MAP3K4: variants seen among roughly 807,000 people sequenced by gnomAD.
MAP3K4 encodes the protein mitogen-activated protein kinase kinase kinase 4.
A neutral mutation model predicts 185.6 loss-of-function variants in MAP3K4; 67 were observed. That is an observed-to-expected ratio of 0.36 (90% CI 0.30 to 0.44). The LOEUF (loss-of-function observed/expected upper bound fraction) is 0.44, where lower values mean the gene tolerates loss of function less well. Ranked by LOEUF, MAP3K4 falls within the 20% of genes least tolerant of loss-of-function variation. The pLI is 1.00. For missense variants in MAP3K4, 1,551 were observed against 1,995.1 expected (o/e 0.78, Z 4.24); for synonymous variants, 702 against 710.4 (o/e 0.99, Z 0.19).
Position 161,048,006 on chromosome 6 carries a change from C to G in MAP3K4, c.344-610C>G, listed in dbSNP as rs1236674298. Among the ~76,000 whole-genome samples the G allele has an allele frequency of 1.3e-5, 2 of 151,992 alleles. No individual in the cohort carries two copies. Among genetic ancestry groups the G allele is most frequent in the Admixed American group, 1.3e-4 (2 of 15,264 alleles). On this transcript the variant is annotated intron_variant, in intron 2 of 26. Transcript: ENST00000392142. This position sits in a 1 kb window ranked among gnomAD's most constrained non-coding sequence, Gnocchi z 4.7. The stretch of plus-strand genomic sequence containing the variant: ...AATTTTAAATTTAAAATGTTATTGC[C>G]CACTTGTTTGTGGCAAAGGAGAAAT...
intron 1 of MAP3K4, among the ~76,000 whole-genome samples, chr6:160,992,936 C>G (rs1386297226): frequency 6.6e-6 from 1 of 152,040 alleles, no homozygotes; most frequent in Non-Finnish European, 1.5e-5. Context: ...CCAGAGTAAA[C>G]TTGCAAACTG....
At chr6:161,052,223 TAC>T (rs2114769761) in intron 3 of MAP3K4, among the ~76,000 whole-genome samples, 1 of 148,378 alleles carries the variant, frequency 6.7e-6, no homozygotes, top group Non-Finnish European at 1.5e-5. Flanking sequence ...TAACTATTGC[TAC>T]TAATGAGGAT....
chr6:161,084,411 A>G lies in MAP3K4; in HGVS notation c.2256-90A>G, dbSNP rs2114849235. The G allele has an allele frequency of 2.8e-6, 2 of 717,230 alleles. No individual in the cohort carries two copies. Among genetic ancestry groups the G allele is most frequent in the Non-Finnish European group, 5.0e-6 (2 of 398,622 alleles). 44.4% of individuals were successfully genotyped at this position (717,230 alleles called of 1,614,324 possible). On this transcript the variant is annotated intron_variant, in intron 6 of 26. Transcript: ENST00000392142. The surrounding 1 kb of genome is among the most constrained non-coding windows in gnomAD (Gnocchi z 4.6). ...TTGATTTTTAAACCATTAGAGCAGT[A>G]GCTGAGCCTTTCAAGTTTCTCAGTC...
chr6:161,105,081 G>A (rs1193266822), intron 19 of MAP3K4, among the ~76,000 whole-genome samples: 1 of 152,130 alleles, frequency 6.6e-6, no homozygotes, highest in East Asian at 1.9e-4. Flanking sequence ...TCAATTTATG[G>A]GTTGTGAACC....
intron 1 of MAP3K4, among the ~76,000 whole-genome samples, chr6:161,019,671 A>G (rs1369691190): frequency 1.3e-5 from 2 of 152,154 alleles, no homozygotes; most frequent in African/African-American, 4.8e-5. Context: ...GGCCTTCCTT[A>G]GTGTTGGGAT....
At position 161,112,121 on chromosome 6, in the gene MAP3K4, A is replaced by G. The variant is rs1214938485; in HGVS notation, c.4519+163A>G. ...TCACACACTTGGGCTCCCACGCAAG[A>G]GCAGCTGTCACATTGGTGAATTAAA... On this transcript the variant is annotated intron_variant, in intron 24 of 26. Coordinates refer to ENST00000392142, the MANE Select transcript of MAP3K4 (RefSeq NM_005922.4). The surrounding 1 kb of genome is among the most constrained non-coding windows in gnomAD (Gnocchi z 5.1). Among the ~76,000 whole-genome samples the G allele has an allele frequency of 6.6e-6, 1 of 152,250 alleles. No homozygotes were observed. Among genetic ancestry groups the G allele is most frequent in the Non-Finnish European group, 1.5e-5 (1 of 68,038 alleles).
rs1778180954 is a variant in MAP3K4 at position 161,108,118 on chromosome 6, A to G, written c.4119+149A>G. 1.6e-6 allele frequency: 1 copy of G among 643,530 alleles called. No individual in the cohort carries two copies. The highest frequency in any genetic ancestry group is 1.8e-5 in the African/African-American group (1 of 54,852). The allele number at this position is 643,530 out of a possible 1,614,324, so 39.9% of individuals were successfully genotyped here. A position where few individuals can be genotyped will look rare whatever the true frequency, so the allele number is the denominator to read the frequency against. On this transcript the variant is annotated intron_variant, in intron 21 of 26. Coordinates refer to ENST00000392142, the MANE Select transcript of MAP3K4 (RefSeq NM_005922.4). The surrounding 1 kb of genome is among the most constrained non-coding windows in gnomAD (Gnocchi z 5.7). The stretch of plus-strand genomic sequence containing the variant: ...CAGTCAGGACCAACCAGGCAGATGC[A>G]CTGAGATAACACACACAGACAGTGA...
At chr6:161,018,527 C>G (rs1782220360) in intron 1 of MAP3K4, among the ~76,000 whole-genome samples, 1 of 152,068 alleles carries the variant, frequency 6.6e-6, no homozygotes, top group Admixed American at 6.6e-5. Context: ...TTGACTTTAA[C>G]CAAGCTTGAA....
At chr6:161,025,212 C>A (rs946758872) in intron 1 of MAP3K4, among the ~76,000 whole-genome samples, 4 of 152,232 alleles carry the variant, frequency 2.6e-5, no homozygotes, top group African/African-American at 9.6e-5. Context: ...GCTGGTGATG[C>A]AGGATGCTCA....
rs779148273 is a variant in MAP3K4, at chr6:161,098,262, TTTC to T, written c.3525-10_3525-8del. ...TCTTCTCACATGTGTTCCTGAAGCT[TTTC>T]TTCTTGTCTTAGCACTCGGAGCATG... is the stretch of plus-strand genomic sequence containing the variant. On this transcript the variant is annotated splice_polypyrimidine_tract_variant and intron_variant, in intron 16 of 26. Transcript: ENST00000392142. The surrounding 1 kb of genome is among the most constrained non-coding windows in gnomAD (Gnocchi z 4.4). 6.2e-7 allele frequency: 1 copy of T among 1,606,246 alleles called. No homozygotes were observed. The highest frequency in any genetic ancestry group is 1.3e-5 in the African/African-American group (1 of 74,766).
At chr6:161,018,856 AAAG>A (rs1782236339) in intron 1 of MAP3K4, among the ~76,000 whole-genome samples, 1 of 152,234 alleles carries the variant, frequency 6.6e-6, no homozygotes, top group Non-Finnish European at 1.5e-5. Flanking sequence ...AAGATGTAAA[AAAG>A]ATCCAAATGG....
At position 161,037,295 on chromosome 6, in the gene MAP3K4, C is replaced by T. The variant is rs146032831; in HGVS notation, c.343+2846C>T. On this transcript the variant is annotated intron_variant, in intron 2 of 26. Coordinates refer to ENST00000392142, the MANE Select transcript of MAP3K4 (RefSeq NM_005922.4). This position sits in a 1 kb window ranked among gnomAD's most constrained non-coding sequence, Gnocchi z 4.2. ...ATCACCCGGACTCCAGTCCTGGTTC[C>T]GCTATCTTCTGCGTATGCAGCCTCC... Among the ~76,000 whole-genome samples the T allele has an allele frequency of 2.2e-4, 33 of 152,220 alleles. No individual in the cohort carries two copies. Among genetic ancestry groups the T allele is most frequent in the Admixed American group, 8.5e-4 (13 of 15,298 alleles).
intron 1 of MAP3K4, among the ~76,000 whole-genome samples, chr6:161,019,789 CTTA>C (rs1436714464): frequency 8.6e-5 from 13 of 151,990 alleles, no homozygotes; most frequent in African/African-American, 2.9e-4. Flanking sequence ...TCTAATTATT[CTTA>C]TTAACTGTTA....
chr6:160,993,045 C>G (rs1202772777), intron 1 of MAP3K4, among the ~76,000 whole-genome samples: 2 of 152,176 alleles, frequency 1.3e-5, no homozygotes, highest in African/African-American at 4.8e-5. Context: ...AAAGTGTCCT[C>G]TTTTTCCTGC....
chr6:161,035,815 G>A (rs146391616), intron 2 of MAP3K4, among the ~76,000 whole-genome samples: 21 of 152,242 alleles, frequency 1.4e-4, no homozygotes, highest in African/African-American at 4.6e-4. Flanking sequence ...AGAAGATGCC[G>A]GTAGTACACT....
rs1160655792 is a variant in MAP3K4 at position 161,071,087 on chromosome 6, AT to A, written c.1950+241del. ...TGTCATCCACTTCCTTGTTCTAAGTATTTTAAAGTTTCAGTCTTTGAAGACT... is the reference window on the plus strand; with the variant it reads ...TGTCATCCACTTCCTTGTTCTAAGTATTTAAAGTTTCAGTCTTTGAAGACT... On this transcript the variant is annotated intron_variant, in intron 4 of 26. Transcript: ENST00000392142. This position sits in a 1 kb window ranked among gnomAD's most constrained non-coding sequence, Gnocchi z 4.6. Among the ~76,000 whole-genome samples, 1 of 152,226 alleles carries A rather than the reference AT, an allele frequency of 6.6e-6. No homozygotes were observed. The highest frequency in any genetic ancestry group is 1.5e-5 in the Non-Finnish European group (1 of 68,032).
chr6:161,070,508 AT>A lies in MAP3K4; in HGVS notation c.1708-97del. On this transcript the variant is annotated intron_variant, in intron 3 of 26. Transcript: ENST00000392142. This position sits in a 1 kb window ranked among gnomAD's most constrained non-coding sequence, Gnocchi z 4.5. ...CCCTGTAAAATTAGAATTTTTGTAGATTTGTTAGCACATTGTAGAGAATAAG... is the reference window on the plus strand; with the variant it reads ...CCCTGTAAAATTAGAATTTTTGTAGATTGTTAGCACATTGTAGAGAATAAG... The A allele has an allele frequency of 2.3e-6, 2 of 875,008 alleles. No homozygotes were observed. The highest frequency in any genetic ancestry group is 3.3e-6 in the Non-Finnish European group (2 of 599,128). The allele number at this position is 875,008 out of a possible 1,614,324, so 54.2% of individuals were successfully genotyped here.
rs1777939394 is a variant in MAP3K4 at position 161,103,940 on chromosome 6, T to C, written c.3856+1161T>C. ...GTTGAGGGTTCAAGTGGGGGAGTTTTCCTAGGCTTGAGCCAGGTGACAGGA... is the reference window on the plus strand; with the variant it reads ...GTTGAGGGTTCAAGTGGGGGAGTTTCCCTAGGCTTGAGCCAGGTGACAGGA... On this transcript the variant is annotated intron_variant, in intron 19 of 26. Coordinates refer to ENST00000392142, the MANE Select transcript of MAP3K4 (RefSeq NM_005922.4). This position sits in a 1 kb window ranked among gnomAD's most constrained non-coding sequence, Gnocchi z 4.6. Among the ~76,000 whole-genome samples, 1 of 152,160 alleles carries C rather than the reference T, an allele frequency of 6.6e-6. No individual in the cohort carries two copies. The highest frequency in any genetic ancestry group is 2.1e-4 in the South Asian group (1 of 4,832).
Position 161,061,038 on chromosome 6 carries a change from T to A in MAP3K4, c.1708-9570T>A, listed in dbSNP as rs1361970850. Among the ~76,000 whole-genome samples, 2 of 152,242 alleles carry A rather than the reference T, an allele frequency of 1.3e-5. No homozygotes were observed. Among genetic ancestry groups the A allele is most frequent in the African/African-American group, 4.8e-5 (2 of 41,466 alleles). On this transcript the variant is annotated intron_variant, in intron 3 of 26. Transcript: ENST00000392142. This position sits in a 1 kb window ranked among gnomAD's most constrained non-coding sequence, Gnocchi z 4.2. The stretch of plus-strand genomic sequence containing the variant: ...TTGCAGCAGAAATTGTGGCTGGTCA[T>A]TGTTTTACTGTTTAGTGGGCAGATG...
Sources: allele counts gnomAD v4.1 joint callset (sites outside exome capture counted in the v4.1 genomes callset), GRCh38; gene constraint gnomAD v4.1.1; non-coding constraint Gnocchi (gnomAD v3.1); transcripts MANE v1.5; gene names NCBI Gene and HGNC (gene_info 2026-07-23, HGNC 2026-07-21).